Variants in CX3CL1 observed in about 807,000 individuals in gnomAD.
CX3CL1 encodes the protein fractalkine.
Under a neutral mutation model 14.1 loss-of-function variants are expected in CX3CL1, and 1 was observed. That is an observed-to-expected ratio of 0.07 (90% CI 0.03 to 0.34). The LOEUF is 0.34. Ranked by LOEUF, CX3CL1 falls within the 10% of genes least tolerant of loss-of-function variation. The pLI, the probability that CX3CL1 is intolerant of heterozygous loss-of-function variation, is 0.99. For synonymous variants in CX3CL1, 255 were observed against 229.6 expected, an observed-to-expected ratio of 1.11 and a Z score of -1.00; for missense variants, 505 against 536.4, an observed-to-expected ratio of 0.94 and a Z score of 0.58.
chr16:57,383,392 A>G lies in CX3CL1; in HGVS notation c.*360A>G, dbSNP rs1567555438. ...GCCCTGTGAGTACTACAGTCCTCCC[A>G]TCTCACACATGAGCATCAGGCCAGG... On this transcript the variant is annotated 3_prime_UTR_variant, in exon 3 of 3. Coordinates refer to ENST00000006053, the MANE Select transcript of CX3CL1 (RefSeq NM_002996.6). 1 of 180,722 alleles carries G rather than the reference A, an allele frequency of 5.5e-6. No homozygotes were observed. The highest frequency in any genetic ancestry group is 1.1e-5 in the Non-Finnish European group (1 of 87,056). 11.2% of individuals were successfully genotyped at this position (180,722 alleles called of 1,614,324 possible). A position where few individuals can be genotyped will look rare whatever the true frequency, so the allele number is the denominator to read the frequency against.
At chr16:57,379,555 G>A in intron 1 of CX3CL1, 79 bp from the exon 2 acceptor site, 1 of 1,585,806 alleles carries the variant, frequency 6.3e-7, no homozygotes, top group Non-Finnish European at 8.6e-7. Flanking sequence ...GGGTGGTGTG[G>A]CCGGGACAAT....
At chr16:57,373,028 C>T (rs1398192666) in intron 1 of CX3CL1, among the ~76,000 whole-genome samples, 2 of 152,138 alleles carry the variant, frequency 1.3e-5, no homozygotes, top group Non-Finnish European at 1.5e-5. Flanking sequence ...TTCCATCAAG[C>T]GTTAATGTGT....
intron 1 of CX3CL1, among the ~76,000 whole-genome samples, chr16:57,375,987 G>A (rs182149147): frequency 1.3e-5 from 2 of 152,284 alleles, no homozygotes; most frequent in Admixed American, 1.3e-4. Context: ...GGCACATTTA[G>A]CCTCTCTTAT....
At position 57,383,377 on chromosome 16, in the gene CX3CL1, T is replaced by C. The variant is rs1281819347; in HGVS notation, c.*345T>C. Reference sequence around the variant, plus strand: ...CTTCTGACCCATGCTGCCCTGTGAGTACTACAGTCCTCCCATCTCACACAT... The same window carrying C: ...CTTCTGACCCATGCTGCCCTGTGAGCACTACAGTCCTCCCATCTCACACAT... On this transcript the variant is annotated 3_prime_UTR_variant, in exon 3 of 3. Transcript: ENST00000006053. The C allele has an allele frequency of 5.2e-6, 1 of 193,028 alleles. No homozygotes were observed. The highest frequency in any genetic ancestry group is 1.1e-5 in the Non-Finnish European group (1 of 95,072). 12.0% of individuals were successfully genotyped at this position (193,028 alleles called of 1,614,324 possible).
intron 1 of CX3CL1, among the ~76,000 whole-genome samples, chr16:57,375,567 A>G (rs1722710717): frequency 6.6e-6 from 1 of 152,224 alleles, no homozygotes; most frequent in Admixed American, 6.5e-5. Flanking sequence ...AAAAATTCTT[A>G]TTCTCACAAC....
In CX3CL1 at chr16:57,383,154, C is replaced by T. The variant is rs1902359702; in HGVS notation, c.*122C>T. On this transcript the variant is annotated 3_prime_UTR_variant, in exon 3 of 3. Transcript: ENST00000006053. ...GATGATTGGAGGGGGGAGGTGGGAT[C>T]CTCCAGGTGCACAAGCTCCAAGCTC... The T allele has an allele frequency of 2.6e-5, 24 of 911,896 alleles. No homozygotes were observed. The South Asian group carries it at 9.4e-4, about 36-fold the overall frequency. 56.5% of individuals were successfully genotyped at this position (911,896 alleles called of 1,614,324 possible).
At chr16:57,372,837 C>G (rs1251887247) in intron 1 of CX3CL1, among the ~76,000 whole-genome samples, 199 bp downstream of exon 1, 1 of 152,078 alleles carries the variant, frequency 6.6e-6, no homozygotes, top group African/African-American at 2.4e-5. Flanking sequence ...TTTCCAGTTG[C>G]CAGCGACCGC....
chr16:57,381,910 G>A, intron 2 of CX3CL1, 120 bp from the exon 3 acceptor site: 1 of 1,120,122 alleles, frequency 8.9e-7, no homozygotes, highest in Non-Finnish European at 1.2e-6. Context: ...CTAAGTGGGA[G>A]GACAGGGTTT....
intron 1 of CX3CL1, among the ~76,000 whole-genome samples, chr16:57,375,411 G>A (rs898657022): frequency 6.6e-6 from 1 of 152,064 alleles, no homozygotes; most frequent in African/African-American, 2.4e-5. Flanking sequence ...TGAGCTACTC[G>A]CCTCTAGTGT....
Position 57,372,515 on chromosome 16 carries a change from C to T in CX3CL1, c.-54C>T. On this transcript the variant is annotated 5_prime_UTR_variant, in exon 1 of 3. Transcript: ENST00000006053. ...AAGGGGACAGCACTGAGCTCTGCCGCCTGGCTCTAGCCGCCTGCCTGGCCC... is the reference window on the plus strand; with the variant it reads ...AAGGGGACAGCACTGAGCTCTGCCGTCTGGCTCTAGCCGCCTGCCTGGCCC... 3 of 1,561,298 alleles carry T rather than the reference C, an allele frequency of 1.9e-6. No homozygotes were observed. The highest frequency in any genetic ancestry group is 2.6e-6 in the Non-Finnish European group (3 of 1,141,244).
At position 57,372,734 on chromosome 16, in the gene CX3CL1, G is replaced by A. The variant is rs539510072; in HGVS notation, c.70+96G>A. The A allele has an allele frequency of 1.5e-5, 19 of 1,277,406 alleles. No homozygotes were observed. The African/African-American group carries it at 2.2e-4, about 15-fold the overall frequency. 79.1% of individuals were successfully genotyped at this position (1,277,406 alleles called of 1,614,324 possible). A position where few individuals can be genotyped will look rare whatever the true frequency, so the allele number is the denominator to read the frequency against. On this transcript the variant is annotated intron_variant, in intron 1 of 2. Coordinates refer to ENST00000006053, the MANE Select transcript of CX3CL1 (RefSeq NM_002996.6). ...ACATCAGGGGCCCCAGACCCTGCCT[G>A]GGTAAAGCTCAAGGCCGGTGGCAGC...
Position 57,382,128 on chromosome 16 carries a change from C to T in CX3CL1, c.290C>T (p.Thr97Ile). 1.9e-6 allele frequency: 3 copies of T among 1,614,082 alleles called. No homozygotes were observed. The South Asian group carries it at 3.3e-5, about 18-fold the overall frequency. ...CTGGACCGCCAGGCTGCTGCCCTAA[C>T]TCGAAATGGCGGCACCTTCGAGAAG... ...QHLDRQAAAL[T>I]RNGGTFEKQI... Residue 97 changes from threonine (T) to isoleucine (I), a missense_variant, in exon 3 of 3, where the codon ACT becomes ATT. Physicochemically the swap from Thr to Ile is moderately conservative, Grantham distance 89. Transcript: ENST00000006053. The surrounding 1 kb of genome is among the most constrained non-coding windows in gnomAD (Gnocchi z 6.9).
intron 1 of CX3CL1, 115 bp from the exon 2 acceptor site, chr16:57,379,519 G>C: frequency 1.5e-6 from 2 of 1,318,694 alleles, no homozygotes; most frequent in South Asian, 1.4e-5. Context: ...TGAAGGCCAG[G>C]GTGTACAGGG....
At chr16:57,379,371 A>G (rs1470784768) in intron 1 of CX3CL1, 1 of 475,638 alleles carries the variant, frequency 2.1e-6, no homozygotes, top group East Asian at 3.2e-5. Context: ...GGCAAAAAGA[A>G]CTCTATAAAT....
At chr16:57,381,203 C>G (rs1251458844) in intron 2 of CX3CL1, among the ~76,000 whole-genome samples, 1 of 152,240 alleles carries the variant, frequency 6.6e-6, no homozygotes, top group East Asian at 1.9e-4. Context: ...CTGGTAGCCA[C>G]CTTGTGGAAT....
In CX3CL1 at chr16:57,383,078, G is replaced by A; in HGVS notation, c.*46G>A. ...GTTGTTTGATTCAGACAGCTGCCTG[G>A]GATCCCTCATCCTCATACCCACCCC... On this transcript the variant is annotated 3_prime_UTR_variant, in exon 3 of 3. Coordinates refer to ENST00000006053, the MANE Select transcript of CX3CL1 (RefSeq NM_002996.6). The A allele has an allele frequency of 6.6e-6, 9 of 1,365,090 alleles. No homozygotes were observed. The Middle Eastern group carries it at 9.9e-4, about 150-fold the overall frequency. The allele number at this position is 1,365,090 out of a possible 1,614,324, so 84.6% of individuals were successfully genotyped here. A position where few individuals can be genotyped will look rare whatever the true frequency, so the allele number is the denominator to read the frequency against.
In CX3CL1 at chr16:57,382,118, G is replaced by A. The variant is rs751080071; in HGVS notation, c.280G>A (p.Ala94Thr). ...GATGCAGCATCTGGACCGCCAGGCT[G>A]CTGCCCTAACTCGAAATGGCGGCAC... ...DAMQHLDRQA[A>T]ALTRNGGTFE... is the part of the protein sequence containing the mutation. Residue 94 changes from alanine (A) to threonine (T), a missense_variant, in exon 3 of 3, where the codon GCT becomes ACT. Ala to Thr is a moderately conservative substitution (Grantham distance 58). Transcript: ENST00000006053. The surrounding 1 kb of genome is among the most constrained non-coding windows in gnomAD (Gnocchi z 6.9). 3 of 1,614,044 alleles carry A rather than the reference G, an allele frequency of 1.9e-6. No individual in the cohort carries two copies. Among genetic ancestry groups the A allele is most frequent in the Admixed American group, 1.7e-5 (1 of 60,018 alleles).
intron 2 of CX3CL1, 101 bp downstream of exon 2, chr16:57,379,855 C>A (rs1373852668): frequency 1.4e-6 from 2 of 1,430,874 alleles, no homozygotes; most frequent in Non-Finnish European, 1.9e-6. Context: ...CAGACCTGGG[C>A]TCCCAGCCAA....
intron 1 of CX3CL1, chr16:57,379,427 G>A (rs758263451): frequency 1.8e-6 from 1 of 564,264 alleles, no homozygotes; most frequent in South Asian, 2.6e-5. Context: ...TGAGGTAGAT[G>A]CTATTTTTGT....
Sources: allele counts gnomAD v4.1 joint callset (sites outside exome capture counted in the v4.1 genomes callset), GRCh38; gene constraint gnomAD v4.1.1; non-coding constraint Gnocchi (gnomAD v3.1); transcripts MANE v1.5; gene names NCBI Gene and HGNC (gene_info 2026-07-23, HGNC 2026-07-21).